Variants in SYTL2 observed in about 807,000 individuals in gnomAD.
The protein encoded by SYTL2 is synaptotagmin-like protein 2.
Under a neutral mutation model 198.7 loss-of-function variants are expected in SYTL2, and 165 were observed. The ratio of observed to expected loss-of-function variants is 0.83; its 90% CI spans 0.73 to 0.94. SYTL2 has a LOEUF of 0.94. SYTL2 is among the 40% of genes least tolerant of loss of function. The pLI is 0.00. For missense variants in SYTL2, 2,835 were observed against 2,582.8 expected (o/e 1.10, Z -2.12); for synonymous variants, 966 against 917.7 (o/e 1.05, Z -0.95).
At chr11:85,834,253 T>C in the SYTL2 span, among the ~76,000 whole-genome samples, 1 of 152,310 alleles carries the variant, frequency 6.6e-6, no homozygotes, top group Non-Finnish European at 1.5e-5. Flanking sequence ...AGTATATATG[T>C]AGCTAGATAA....
At chr11:85,838,314 A>T in the SYTL2 span, among the ~76,000 whole-genome samples, 1 of 152,236 alleles carries the variant, frequency 6.6e-6, no homozygotes, top group South Asian at 2.1e-4. Flanking sequence ...GATAGTATGT[A>T]TCCATATTTT....
At chr11:85,845,997 T>C in the SYTL2 span, among the ~76,000 whole-genome samples, 1 of 152,222 alleles carries the variant, frequency 6.6e-6, no homozygotes, top group Admixed American at 6.5e-5. Context: ...AGGTTAGTAA[T>C]TGGTGATCTC....
intron 16 of SYTL2, among the ~76,000 whole-genome samples, chr11:85,704,098 TAA>T (rs1454797921): frequency 6.6e-6 from 1 of 151,988 alleles, no homozygotes; most frequent in African/African-American, 2.4e-5. Flanking sequence ...ATAATCCAAT[TAA>T]GAGACAAATA....
chr11:85,827,670 T>G, the SYTL2 span, among the ~76,000 whole-genome samples: 1 of 152,154 alleles, frequency 6.6e-6, no homozygotes, highest in Non-Finnish European at 1.5e-5. Context: ...CTTTTTTGAA[T>G]GAGTGAATGA....
At chr11:85,788,082 C>T (rs971832174) in intron 1 of SYTL2, among the ~76,000 whole-genome samples, 1 of 152,138 alleles carries the variant, frequency 6.6e-6, no homozygotes, top group South Asian at 2.1e-4. Context: ...TATTTGCTTA[C>T]CCATGGGGCA....
Position 85,724,095 on chromosome 11 carries a change from A to G in SYTL2, c.5263T>C (p.Ser1755Pro). 6.3e-7 allele frequency: 1 copy of G among 1,578,488 alleles called. No homozygotes were observed. The highest frequency in any genetic ancestry group is 8.6e-7 in the Non-Finnish European group (1 of 1,169,266). The change falls in exon 8 of 20, where the codon TCT becomes CCT. Residue 1755 changes from serine to proline, a missense_variant. Physicochemically the swap from Ser to Pro is moderately conservative, Grantham distance 74. Coordinates refer to ENST00000359152, the MANE Select transcript of SYTL2 (RefSeq NM_206927.4). ...TTTCCATCTGAAAAATCAGACTCAG[A>G]GAAACCTTCTTTTTCTTCCTCTTTC... The part of the protein sequence containing the change: ...QEKEEEKEGF[S>P]ESDFSDGNTS...
At chr11:85,736,314 T>C (rs1299144487) in intron 6 of SYTL2, among the ~76,000 whole-genome samples, 187 bp downstream of exon 6, 2 of 152,222 alleles carry the variant, frequency 1.3e-5, no homozygotes, top group Non-Finnish European at 2.9e-5. Flanking sequence ...ATGCGTGAGC[T>C]ATCAGTTTCT....
intron 5 of SYTL2, among the ~76,000 whole-genome samples, chr11:85,736,839 T>C (rs1382797906): frequency 6.6e-6 from 1 of 152,176 alleles, no homozygotes; most frequent in Non-Finnish European, 1.5e-5. Flanking sequence ...CCTACAAAGT[T>C]AGCTCAGAAT....
intron 19 of SYTL2, among the ~76,000 whole-genome samples, chr11:85,695,822 C>G (rs569606286): frequency 1.3e-5 from 2 of 152,264 alleles, no homozygotes; most frequent in South Asian, 2.1e-4. Flanking sequence ...GTAAATGAAG[C>G]ATTTAATACA....
intron 1 of SYTL2, among the ~76,000 whole-genome samples, chr11:85,772,046 G>A (rs1204393406): frequency 6.6e-6 from 1 of 152,052 alleles, no homozygotes; most frequent in Non-Finnish European, 1.5e-5. Flanking sequence ...AGGCCTACAG[G>A]CATATGACAC....
chr11:85,848,532 T>A, the SYTL2 span, among the ~76,000 whole-genome samples: 1 of 152,136 alleles, frequency 6.6e-6, no homozygotes, highest in Non-Finnish European at 1.5e-5. Flanking sequence ...ATAGTTACAG[T>A]CACATTTGTT....
chr11:85,719,621 G>A (rs2087960021), intron 9 of SYTL2, among the ~76,000 whole-genome samples: 1 of 152,074 alleles, frequency 6.6e-6, no homozygotes, highest in African/African-American at 2.4e-5. Flanking sequence ...AGGCGGATAT[G>A]GGGGTTGGCC....
Position 85,726,768 on chromosome 11 carries a change from G to C in SYTL2, c.2590C>G (p.Gln864Glu). The C allele has an allele frequency of 1.3e-6, 2 of 1,536,124 alleles. No individual in the cohort carries two copies. Among genetic ancestry groups the C allele is most frequent in the Middle Eastern group, 1.7e-4 (1 of 5,990 alleles). ...TAAGAATTGGAGAGCTGGGATGCTTGATCATCCTCATCTAAGACCACTCGT... is the reference window on the plus strand; with the variant it reads ...TAAGAATTGGAGAGCTGGGATGCTTCATCATCCTCATCTAAGACCACTCGT... ...PKRVVLDEDD[Q>E]ASQLSNSYSS... is the part of the protein sequence containing the mutation. Residue 864 changes from glutamine (Q) to glutamate (E), a missense_variant, in exon 8 of 20, where the codon CAA (glutamine) becomes GAA (glutamate). Transcript: ENST00000359152.
intron 7 of SYTL2, among the ~76,000 whole-genome samples, chr11:85,728,854 T>A (rs1349575453): frequency 6.6e-6 from 1 of 152,184 alleles, no homozygotes; most frequent in African/African-American, 2.4e-5. Flanking sequence ...TCCTGGGCCT[T>A]ACTATTGATG....
intron 1 of SYTL2, among the ~76,000 whole-genome samples, chr11:85,769,063 T>C (rs2092303154): frequency 6.6e-6 from 1 of 151,958 alleles, no homozygotes; most frequent in Admixed American, 6.6e-5. Context: ...AACAATTCAA[T>C]GGAATACAGA....
intron 6 of SYTL2, among the ~76,000 whole-genome samples, chr11:85,735,298 A>G (rs2090228123): frequency 6.6e-6 from 1 of 152,202 alleles, no homozygotes; most frequent in Non-Finnish European, 1.5e-5. Context: ...TGATTATTTT[A>G]CACCCAATAC....
Position 85,734,162 on chromosome 11 carries a change from C to T in SYTL2, c.1167G>A (p.Lys389=), listed in dbSNP as rs751951841. The change falls in exon 7 of 20, where the codon AAG becomes AAA. Residue 389 remains lysine (K), a synonymous_variant. Transcript: ENST00000359152. ...AGGTTGATTGATGAAAAAGCGAAGG[C>T]TTTCTGTATTGAGAAGGCTTAGGGT... ...QSDPKPSQYR[K]PSLFHQSTSS... 5.6e-6 allele frequency: 9 copies of T among 1,614,038 alleles called. No individual in the cohort carries two copies. The Admixed American group carries it at 1.3e-4, about 24-fold the overall frequency.
chr11:85,765,268 G>A (rs1344930604), intron 1 of SYTL2, among the ~76,000 whole-genome samples: 6 of 151,972 alleles, frequency 3.9e-5, no homozygotes, highest in African/African-American at 1.2e-4. Flanking sequence ...ACAGAGTCTC[G>A]CCCTGTCACC....
In SYTL2 at chr11:85,709,399, C is replaced by T; in HGVS notation, c.5847G>A (p.Glu1949=). ...FAIEYVESLK[E]LHVFVAQCKD... ...TACACTGGGCCACAAAAACATGCAA[C>T]TCCTTCAGTGACTCCACATATTCAA... Residue 1949 remains glutamate, a synonymous_variant, in exon 14 of 20, where the codon GAG becomes GAA. Coordinates refer to ENST00000359152, the MANE Select transcript of SYTL2 (RefSeq NM_206927.4). The T allele has an allele frequency of 6.2e-7, 1 of 1,614,166 alleles. No individual in the cohort carries two copies. The highest frequency in any genetic ancestry group is 8.5e-7 in the Non-Finnish European group (1 of 1,180,012).
Sources: allele counts gnomAD v4.1 joint callset (sites outside exome capture counted in the v4.1 genomes callset), GRCh38; gene constraint gnomAD v4.1.1; transcripts MANE v1.5; gene names NCBI Gene and HGNC (gene_info 2026-07-23, HGNC 2026-07-21).